The following AMMECR1 variants were observed in gnomAD, a reference collection of about 807,000 sequenced individuals.
AMMECR1 encodes nuclear protein AMMECR1.
Under a neutral mutation model 22.5 loss-of-function variants are expected in AMMECR1, and 3 were observed. The observed-to-expected ratio is 0.13, with a 90% CI of 0.06 to 0.35. AMMECR1 has a LOEUF of 0.35. AMMECR1 is among the 10% of genes least tolerant of loss of function. The pLI, the probability that AMMECR1 is intolerant of heterozygous loss-of-function variation, is 1.00. For missense variants in AMMECR1, 235 were observed against 278.7 expected (o/e 0.84, Z 1.12); for synonymous variants, 130 against 116.7 (o/e 1.11, Z -0.74).
At chrX:110,353,515 C>T (rs2068218973) in intron 2 of AMMECR1, among the ~76,000 whole-genome samples, 1 of 111,312 alleles carries the variant, frequency 9.0e-6, no homozygotes, top group African/African-American at 3.3e-5. Context: ...TGTTTCCATT[C>T]TTGTTTATCT....
intron 2 of AMMECR1, among the ~76,000 whole-genome samples, chrX:110,227,320 A>C (rs764417341): frequency 8.9e-6 from 1 of 112,392 alleles, no homozygotes; most frequent in African/African-American, 3.2e-5. Context: ...AGATGATACA[A>C]GTCTGCTGAG....
Position 110,200,979 on chromosome X carries a change from A to C in AMMECR1, c.862T>G (p.Phe288Val), listed in dbSNP as rs762845103. ...GGYKAPITNE[F>V]RKTIKLTRYR... ...CTGGTCAGTTTTATGGTTTTCCTGA[A>C]TTCATTAGTAATCGGAGCTTTGTAT... The change falls in exon 5 of 6, where the codon TTC (phenylalanine) becomes GTC (valine). Residue 288 changes from phenylalanine to valine, a missense_variant. Physicochemically the swap from Phe to Val is conservative, Grantham distance 50. Around this residue, in one of 2 missense-constraint regions of AMMECR1, gnomAD observed 111 missense variants for 181.7 expected, o/e 0.61. Coordinates refer to ENST00000262844, the MANE Select transcript of AMMECR1 (RefSeq NM_015365.3). The C allele has an allele frequency of 2.5e-6, 3 of 1,206,474 alleles. No individual in the cohort carries two copies. In the African/African-American group the frequency reaches 5.2e-5, roughly 21 times the overall value.
At chrX:110,378,559 T>C (rs1414479386) in intron 2 of AMMECR1, among the ~76,000 whole-genome samples, 1 of 112,436 alleles carries the variant, frequency 8.9e-6, no homozygotes, top group Non-Finnish European at 1.9e-5. Context: ...ATCTTTCTTT[T>C]CTAGCTTCTT....
At chrX:110,208,542 A>G (rs1486172483) in intron 3 of AMMECR1, among the ~76,000 whole-genome samples, 2 of 112,002 alleles carry the variant, frequency 1.8e-5, no homozygotes, top group African/African-American at 3.2e-5. Context: ...TAGGAGACAG[A>G]CTACTTGTCT....
Position 110,264,935 on chromosome X carries a change from C to T in AMMECR1, c.474-336G>A, listed in dbSNP as rs1270547253. ...CACAGTTGATACATAATGAAGCAGG[C>T]ACTCAAACCTGGGCAATCTTAACTA... On this transcript the variant is annotated intron_variant, in intron 1 of 5. Transcript: ENST00000262844. Among the ~76,000 whole-genome samples the T allele has an allele frequency of 5.4e-5, 6 of 111,693 alleles. No homozygotes were observed. In the East Asian group the frequency reaches 1.4e-3, roughly 26 times the overall value.
intron 1 of AMMECR1, among the ~76,000 whole-genome samples, chrX:110,298,819 T>C (rs915110179): frequency 6.3e-5 from 7 of 111,535 alleles, no homozygotes; most frequent in African/African-American, 2.0e-4. Context: ...TGCTATCAAT[T>C]ATGTGGAGTT....
chrX:110,202,196 A>C (rs1456224898), intron 4 of AMMECR1, among the ~76,000 whole-genome samples: 2 of 112,357 alleles, frequency 1.8e-5, no homozygotes, highest in African/African-American at 6.5e-5. Context: ...AAACCAACTA[A>C]TATAAATTCT....
At chrX:110,416,600 C>A (rs1292375873) in intron 2 of AMMECR1, among the ~76,000 whole-genome samples, 2 of 111,851 alleles carry the variant, frequency 1.8e-5, no homozygotes, top group Non-Finnish European at 3.8e-5. Context: ...GGTTAGCATG[C>A]TACCCCCTGT....
At chrX:110,273,233 T>A (rs1293941371) in intron 1 of AMMECR1, among the ~76,000 whole-genome samples, 1 of 112,071 alleles carries the variant, frequency 8.9e-6, no homozygotes, top group Non-Finnish European at 1.9e-5. Context: ...TACCCCAGTG[T>A]GGTTTTAATT....
At chrX:110,211,309 T>C (rs1017287663) in intron 3 of AMMECR1, among the ~76,000 whole-genome samples, 9 of 112,472 alleles carry the variant, frequency 8.0e-5, no homozygotes, top group African/African-American at 2.9e-4. Context: ...CGAATTCTTC[T>C]ACAAACAAAA....
intron 1 of AMMECR1, among the ~76,000 whole-genome samples, chrX:110,288,301 C>T (rs1171398548): frequency 8.9e-6 from 1 of 111,971 alleles, no homozygotes; most frequent in Non-Finnish European, 1.9e-5. Flanking sequence ...TCCCTCAGCA[C>T]GATGCCCATT....
At chrX:110,322,433 C>G (rs2068082584), upstream of AMMECR1, among the ~76,000 whole-genome samples, 1 of 111,507 alleles carries the variant, frequency 9.0e-6, no homozygotes, top group Non-Finnish European at 1.9e-5. Context: ...AAGAATTCAT[C>G]TACTAGCTTC....
chrX:110,210,532 G>C (rs2067443000), intron 3 of AMMECR1, among the ~76,000 whole-genome samples: 1 of 111,515 alleles, frequency 9.0e-6, no homozygotes, highest in Non-Finnish European at 1.9e-5. Flanking sequence ...TGTATGAATG[G>C]GAACTCTGTT....
At chrX:110,217,036 A>G (rs996410373) in intron 2 of AMMECR1, among the ~76,000 whole-genome samples, 6 of 109,815 alleles carry the variant, frequency 5.5e-5, no homozygotes, top group South Asian at 3.9e-4. Context: ...TTATATATAT[A>G]TGTGTGTGTA....
intron 2 of AMMECR1, among the ~76,000 whole-genome samples, chrX:110,403,136 T>C (rs1432664948): frequency 9.0e-6 from 1 of 111,115 alleles, no homozygotes; most frequent in Admixed American, 9.5e-5. Flanking sequence ...GGCCAGGCTT[T>C]CCCTGCCCCT....
intron 2 of AMMECR1, among the ~76,000 whole-genome samples, chrX:110,245,159 C>T (rs945791447): frequency 8.9e-6 from 1 of 112,125 alleles, no homozygotes; most frequent in Non-Finnish European, 1.9e-5. Context: ...TTTGGATCTT[C>T]TCCCACTGAA....
At chrX:110,252,828 A>T (rs906078764) in intron 2 of AMMECR1, among the ~76,000 whole-genome samples, 1 of 112,680 alleles carries the variant, frequency 8.9e-6, no homozygotes, top group Non-Finnish European at 1.9e-5. Context: ...AAGACTCACA[A>T]ATATACAAGT....
chrX:110,265,248 T>C (rs1454173254), intron 1 of AMMECR1, among the ~76,000 whole-genome samples: 2 of 111,701 alleles, frequency 1.8e-5, no homozygotes, highest in Admixed American at 9.5e-5. Flanking sequence ...TGCCATAATT[T>C]AAGCTATTGA....
At chrX:110,334,690 A>T (rs2068134208) in intron 2 of AMMECR1, among the ~76,000 whole-genome samples, 1 of 112,279 alleles carries the variant, frequency 8.9e-6, no homozygotes. Flanking sequence ...AGAAGTCCAG[A>T]TATATAGTTT....
Sources: allele counts gnomAD v4.1 joint callset (sites outside exome capture counted in the v4.1 genomes callset), GRCh38; gene constraint gnomAD v4.1.1; regional missense constraint gnomAD v4.1.1; transcripts MANE v1.5; gene names NCBI Gene and HGNC (gene_info 2026-07-23, HGNC 2026-07-21).